IGFL2: variants seen among roughly 807,000 people sequenced by gnomAD.
The protein encoded by IGFL2 is IGF like family member 2.
IGFL2 carries 7 observed loss-of-function variants against 13.9 expected under a neutral mutation model. The observed-to-expected ratio is 0.51, with a 90% confidence interval of 0.29 to 0.95. IGFL2 has a LOEUF of 0.95. Ranked by LOEUF, IGFL2 falls within the 40% of genes least tolerant of loss-of-function variation. The pLI is 0.08. For synonymous variants in IGFL2, 55 were observed against 55.8 expected, an observed-to-expected ratio of 0.99 and a Z score of 0.07; for missense variants, 138 against 147.8, an observed-to-expected ratio of 0.93 and a Z score of 0.34.
At chr19:46,164,782 A>T (rs1974319808), downstream of IGFL2, 1 of 152,194 alleles carries the variant, frequency 6.6e-6, no homozygotes, top group Non-Finnish European at 1.5e-5. Flanking sequence ...TGATGATATC[A>T]CTAACTTCTG....
the IGFL2 span, chr19:46,204,246 G>T: frequency 0.091 from 13,846 of 152,196 alleles, 881 homozygotes; most frequent in Non-Finnish European, 0.14. Flanking sequence ...TTGTGGGAAA[G>T]TCTTCCCTGA....
the IGFL2 span, among the ~76,000 whole-genome samples, chr19:46,178,860 A>G: frequency 6.6e-6 from 1 of 151,936 alleles, no homozygotes; most frequent in African/African-American, 2.4e-5. Context: ...TATAAAACCA[A>G]GCTGTAACCT....
At chr19:46,184,201 A>G in the IGFL2 span, among the ~76,000 whole-genome samples, 3 of 152,126 alleles carry the variant, frequency 2.0e-5, no homozygotes, top group East Asian at 1.9e-4. Context: ...CATGGTGTCT[A>G]CTTGGGTAGT....
the IGFL2 span, chr19:46,137,442 C>T: frequency 2.3e-4 from 234 of 1,028,400 alleles, 1 homozygote; most frequent in African/African-American, 3.2e-3. Flanking sequence ...TAATGGTGCT[C>T]ATACAGCCAA....
At chr19:46,107,650 C>T in the IGFL2 span, among the ~76,000 whole-genome samples, 3 of 152,184 alleles carry the variant, frequency 2.0e-5, 1 homozygote, top group South Asian at 4.1e-4. Context: ...AATATGTTGG[C>T]ACTTGGCTGC....
At chr19:46,137,683 G>T in the IGFL2 span, 5 of 562,584 alleles carry the variant, frequency 8.9e-6, no homozygotes, top group South Asian at 2.1e-5. Flanking sequence ...CCCAGCCTTG[G>T]TCCCCGGCTT....
At chr19:46,211,557 C>G in the IGFL2 span, 2 of 152,138 alleles carry the variant, frequency 1.3e-5, no homozygotes. Flanking sequence ...CTGCTGACAG[C>G]TGGAAATGCC....
the IGFL2 span, among the ~76,000 whole-genome samples, chr19:46,131,786 A>G: frequency 1.3e-5 from 2 of 152,168 alleles, no homozygotes; most frequent in African/African-American, 4.8e-5. Flanking sequence ...TAAAAATACA[A>G]AAGTTAGCCG....
the IGFL2 span, among the ~76,000 whole-genome samples, chr19:46,100,143 C>A: frequency 2.0e-5 from 3 of 152,178 alleles, no homozygotes; most frequent in Non-Finnish European, 4.4e-5. Context: ...AGCCTCCACC[C>A]AGTTCTGTAC....
chr19:46,124,157 C>CT, the IGFL2 span: 6 of 1,610,074 alleles, frequency 3.7e-6, no homozygotes, highest in Non-Finnish European at 3.4e-6. Flanking sequence ...ACAGGAGCGT[C>CT]TGGGGGCAGA....
At chr19:46,186,886 C>T in the IGFL2 span, among the ~76,000 whole-genome samples, 1 of 152,202 alleles carries the variant, frequency 6.6e-6, no homozygotes, top group Non-Finnish European at 1.5e-5. Context: ...TCTTAACGAG[C>T]CTGCTCTTCA....
At chr19:46,081,299 C>G in the IGFL2 span, among the ~76,000 whole-genome samples, 2 of 152,184 alleles carry the variant, frequency 1.3e-5, no homozygotes, top group Non-Finnish European at 2.9e-5. Flanking sequence ...TAATTTTAGA[C>G]TTACAAAGAA....
At chr19:46,170,755 G>A in the IGFL2 span, among the ~76,000 whole-genome samples, 3 of 152,130 alleles carry the variant, frequency 2.0e-5, no homozygotes, top group Non-Finnish European at 4.4e-5. Flanking sequence ...GATGAAACAT[G>A]CTCTGGCCTC....
upstream of IGFL2, among the ~76,000 whole-genome samples, chr19:46,145,596 ATATATG>A (rs1161179860): frequency 8.5e-5 from 5 of 58,610 alleles, no homozygotes; most frequent in African/African-American, 2.4e-4. Flanking sequence ...ACACACTCAT[ATATATG>A]TGTGTGTGTG....
chr19:46,170,929 T>C, the IGFL2 span, among the ~76,000 whole-genome samples: 2 of 152,188 alleles, frequency 1.3e-5, no homozygotes, highest in Non-Finnish European at 2.9e-5. Context: ...CCTGACCTTG[T>C]GATCTCGCCC....
upstream of IGFL2, among the ~76,000 whole-genome samples, chr19:46,141,948 C>T (rs1380788455): frequency 1.3e-5 from 2 of 152,180 alleles, no homozygotes; most frequent in East Asian, 3.9e-4. Flanking sequence ...CCTCACCCCT[C>T]CCTTGCTCAT....
upstream of IGFL2, chr19:46,143,359 A>G (rs1462017066): frequency 2.6e-5 from 4 of 152,014 alleles, no homozygotes; most frequent in East Asian, 3.9e-4. Context: ...CTGCCCATCA[A>G]CAGTAGGCTA....
At chr19:46,084,284 T>C in the IGFL2 span, among the ~76,000 whole-genome samples, 1 of 152,200 alleles carries the variant, frequency 6.6e-6, no homozygotes, top group Non-Finnish European at 1.5e-5. Flanking sequence ...ATGAACTGTT[T>C]TGTATAAATC....
chr19:46,128,885 T>C, the IGFL2 span, among the ~76,000 whole-genome samples: 1 of 152,208 alleles, frequency 6.6e-6, no homozygotes, highest in Admixed American at 6.5e-5. Flanking sequence ...GAGTCCCTCC[T>C]TCTCAATTTT....
Sources: allele counts gnomAD v4.1 joint callset (sites outside exome capture counted in the v4.1 genomes callset), GRCh38; gene constraint gnomAD v4.1.1; transcripts MANE v1.5; gene names NCBI Gene and HGNC (gene_info 2026-07-23, HGNC 2026-07-21).